ZBTB17: variants seen among roughly 807,000 people sequenced by gnomAD.
The protein encoded by ZBTB17 is zinc finger and BTB domain-containing protein 17.
A neutral mutation model predicts 85.1 loss-of-function variants in ZBTB17; 24 were observed. The observed-to-expected ratio is 0.28, with a 90% CI of 0.20 to 0.40. ZBTB17 has a LOEUF of 0.40. Among genes scored for constraint, ZBTB17 ranks in the 10% least tolerant of loss-of-function variants. ZBTB17 has a pLI of 1.00. For missense variants in ZBTB17, 743 were observed against 1,105.1 expected, an observed-to-expected ratio of 0.67 and a Z score of 4.65; for synonymous variants, 464 against 460.2, an observed-to-expected ratio of 1.01 and a Z score of -0.11.
Position 15,942,569 on chromosome 1 carries a change from A to G in ZBTB17, c.1998T>C (p.Ala666=), listed in dbSNP as rs1301773113. ...VVTVDDMVTL[A]TEALAATAVT... ...CGGCTGTCGCTGCCAGTGCCTCGGTAGCCAGCGTGACCATGTCATCCACAG... is the reference window on the plus strand; with the variant it reads ...CGGCTGTCGCTGCCAGTGCCTCGGTGGCCAGCGTGACCATGTCATCCACAG... Residue 666 remains alanine, a synonymous_variant, in exon 14 of 16, where the codon GCT becomes GCC. Coordinates refer to ENST00000375743, the MANE Select transcript of ZBTB17 (RefSeq NM_003443.3). 8 of 1,612,192 alleles carry G rather than the reference A, an allele frequency of 5.0e-6. No homozygotes were observed. Among genetic ancestry groups the G allele is most frequent in the Non-Finnish European group, 6.8e-6 (8 of 1,180,036 alleles).
intron 2 of ZBTB17, among the ~76,000 whole-genome samples, chr1:15,971,580 TAC>T (rs1163868211): frequency 7.0e-5 from 9 of 128,722 alleles, no homozygotes; most frequent in Admixed American, 5.5e-4. Flanking sequence ...TATATATATA[TAC>T]ACACACACTA....
Position 15,966,259 on chromosome 1 carries a change from G to A in ZBTB17, c.-3+6780C>T, listed in dbSNP as rs1351489726. Among the ~76,000 whole-genome samples, 1 of 152,166 alleles carries A rather than the reference G, an allele frequency of 6.6e-6. No individual in the cohort carries two copies. The highest frequency in any genetic ancestry group is 1.5e-5 in the Non-Finnish European group (1 of 68,030). Reference sequence around the variant, plus strand: ...CCCATGGGGCAGGCTGGCGAAATTCGAGTGGAGCCTGCCACTCGGGACAGG... The same window carrying A: ...CCCATGGGGCAGGCTGGCGAAATTCAAGTGGAGCCTGCCACTCGGGACAGG... On this transcript the variant is annotated intron_variant, in intron 2 of 15. Coordinates refer to ENST00000375743, the MANE Select transcript of ZBTB17 (RefSeq NM_003443.3). The surrounding 1 kb of genome is among the most constrained non-coding windows in gnomAD (Gnocchi z 4.1).
intron 2 of ZBTB17, among the ~76,000 whole-genome samples, chr1:15,955,505 A>G (rs1160291519): frequency 6.6e-6 from 1 of 152,212 alleles, no homozygotes; most frequent in Admixed American, 6.5e-5. Flanking sequence ...AATCACTGCT[A>G]TCTCTACACA....
At chr1:15,969,814 C>T (rs1462100865) in intron 2 of ZBTB17, 2 of 541,544 alleles carry the variant, frequency 3.7e-6, no homozygotes, top group East Asian at 4.1e-5. Context: ...CCAGCTTCCC[C>T]TGGAGTGGGT....
At chr1:15,957,987 C>G (rs992469184) in intron 2 of ZBTB17, among the ~76,000 whole-genome samples, 5 of 152,092 alleles carry the variant, frequency 3.3e-5, no homozygotes, top group African/African-American at 7.2e-5. Context: ...CAAGGTGGAA[C>G]AAGATATCCA....
chr1:15,966,392 T>C lies in ZBTB17; in HGVS notation c.-3+6647A>G, dbSNP rs1159761972. Among the ~76,000 whole-genome samples, 2 of 152,134 alleles carry C rather than the reference T, an allele frequency of 1.3e-5. No homozygotes were observed. The highest frequency in any genetic ancestry group is 2.9e-5 in the Non-Finnish European group (2 of 68,006). ...TTCAAGACCAGAAGCTGAGTAGATT[T>C]TTGATGTTACAATGAACCCACTAAG... On this transcript the variant is annotated intron_variant, in intron 2 of 15. Transcript: ENST00000375743. This position sits in a 1 kb window ranked among gnomAD's most constrained non-coding sequence, Gnocchi z 4.1.
intron 2 of ZBTB17, among the ~76,000 whole-genome samples, chr1:15,956,789 G>A (rs941932722): frequency 3.9e-5 from 6 of 152,206 alleles, no homozygotes; most frequent in African/African-American, 1.4e-4. Context: ...GGGGAAGACA[G>A]GTAATAAATG....
Position 15,943,871 on chromosome 1 carries a change from T to A in ZBTB17, c.1396A>T (p.Lys466Ter), listed in dbSNP as rs1285173466. ...NQVGNLKAHL[K>*]IHIADGPLKC... ...AGGGGCCCGTCAGCGATGTGGATCT[T>A]CAGGTGGGCCTTCAGGTTCCCTACC... is the stretch of plus-strand genomic sequence containing the variant. Residue 466 changes from lysine (K) to a stop codon, truncating the protein, a stop_gained, in exon 10 of 16, where the codon AAG (lysine) becomes TAG (stop). Coordinates refer to ENST00000375743, the MANE Select transcript of ZBTB17 (RefSeq NM_003443.3). LOFTEE classifies it high-confidence loss of function. The A allele has an allele frequency of 6.2e-7, 1 of 1,608,028 alleles. No individual in the cohort carries two copies. Among genetic ancestry groups the A allele is most frequent in the East Asian group, 2.2e-5 (1 of 44,556 alleles).
chr1:15,974,250 A>G (rs748346935), intron 1 of ZBTB17, among the ~76,000 whole-genome samples: 2 of 151,488 alleles, frequency 1.3e-5, no homozygotes, highest in South Asian at 4.2e-4. Context: ...CAGGCTGGAA[A>G]TAAAAGAATC....
In ZBTB17 at chr1:15,946,233, C is replaced by T. The variant is rs1171611984; in HGVS notation, c.456G>A (p.Gln152=). Residue 152 remains glutamine, a synonymous_variant, in exon 5 of 16, where the codon CAG becomes CAA. Coordinates refer to ENST00000375743, the MANE Select transcript of ZBTB17 (RefSeq NM_003443.3). The part of the protein sequence containing the change: ...VATSTLSRLE[Q]AGRSTPIGPS... Reference sequence around the variant, plus strand: ...GGCCTATGGGTGTGCTGCGTCCTGCCTGCTCCAGCCTGCTCAGCGTGCTGG... The same window carrying T: ...GGCCTATGGGTGTGCTGCGTCCTGCTTGCTCCAGCCTGCTCAGCGTGCTGG... 1.2e-6 allele frequency: 2 copies of T among 1,613,690 alleles called. No individual in the cohort carries two copies. Among genetic ancestry groups the T allele is most frequent in the Admixed American group, 1.7e-5 (1 of 59,994 alleles).
At chr1:15,970,857 T>C (rs1570218531) in intron 2 of ZBTB17, among the ~76,000 whole-genome samples, 2 of 152,318 alleles carry the variant, frequency 1.3e-5, no homozygotes, top group Middle Eastern at 3.4e-3. Context: ...AGGAGAGCCT[T>C]TTCCATAACC....
chr1:15,970,135 T>G, intron 2 of ZBTB17: 1 of 596,046 alleles, frequency 1.7e-6, no homozygotes, highest in Non-Finnish European at 3.1e-6. Flanking sequence ...CATATGTACC[T>G]TTTGTCTTAT....
intron 2 of ZBTB17, among the ~76,000 whole-genome samples, chr1:15,950,029 T>C (rs552473812): frequency 2.6e-5 from 4 of 152,230 alleles, no homozygotes; most frequent in Non-Finnish European, 4.4e-5. Context: ...CGCGCAGGCT[T>C]TGGCTCTCTC....
intron 2 of ZBTB17, among the ~76,000 whole-genome samples, chr1:15,962,222 AT>A (rs1323867344): frequency 6.7e-6 from 1 of 149,652 alleles, no homozygotes; most frequent in Non-Finnish European, 1.5e-5. Context: ...AAAATAAAAA[AT>A]AAAATAAAAT....
intron 2 of ZBTB17, among the ~76,000 whole-genome samples, chr1:15,970,508 G>A (rs2072610339): frequency 6.8e-6 from 1 of 147,496 alleles, no homozygotes; most frequent in Non-Finnish European, 1.5e-5. Context: ...TCAGCCTCCC[G>A]AGTAGCTGGG....
rs2072381870 is a variant in ZBTB17, at chr1:15,964,819, T to C, written c.-3+8220A>G. 6.6e-6 allele frequency among the ~76,000 whole-genome samples: 1 copy of C among 151,844 alleles called. No homozygotes were observed. Among genetic ancestry groups the C allele is most frequent in the African/African-American group, 2.4e-5 (1 of 41,340 alleles). On this transcript the variant is annotated intron_variant, in intron 2 of 15. Transcript: ENST00000375743. This position sits in a 1 kb window ranked among gnomAD's most constrained non-coding sequence, Gnocchi z 4.3. ...ATGTATTTTACAAGTCAGTGTGGTA[T>C]TTAAACAGAGAACAGGCCGGGCACG...
In ZBTB17 at chr1:15,942,095, C is replaced by T. The variant is rs150742629; in HGVS notation, c.2286G>A (p.Thr762=). ...CCTGCAGCACCTGCCCGGCAGGCCA[C>T]GTGCCACCTGGCCCATACTGCTGAT... ...DFYQQYGPGG[T]WPAGQVLQAG... Residue 762 remains threonine (T), a synonymous_variant, in exon 16 of 16, where the codon ACG becomes ACA. Coordinates refer to ENST00000375743, the MANE Select transcript of ZBTB17 (RefSeq NM_003443.3). 59 of 1,613,290 alleles carry T rather than the reference C, an allele frequency of 3.7e-5. No homozygotes were observed. The highest frequency in any genetic ancestry group is 3.5e-4 in the African/African-American group (26 of 75,060).
chr1:15,961,459 T>G (rs915409431), intron 2 of ZBTB17, among the ~76,000 whole-genome samples: 3 of 152,206 alleles, frequency 2.0e-5, no homozygotes, highest in Non-Finnish European at 2.9e-5. Context: ...TAGAGTAATA[T>G]TTTGGGGATC....
chr1:15,948,611 G>A, intron 2 of ZBTB17, 114 bp from the exon 3 acceptor site: 1 of 1,148,912 alleles, frequency 8.7e-7, no homozygotes, highest in Non-Finnish European at 1.2e-6. Flanking sequence ...ATTAAAACAA[G>A]TGAGGGCATT....
Sources: gnomAD v4.1 joint callset for allele counts (sites outside exome capture counted in the v4.1 genomes callset) on GRCh38, gnomAD v4.1.1 for gene constraint, Gnocchi (gnomAD v3.1) non-coding constraint, MANE v1.5 for transcripts, NCBI Gene and HGNC (gene_info 2026-07-23, HGNC 2026-07-21) for gene names.